Variants in TMPRSS15 observed in about 807,000 individuals in gnomAD.
TMPRSS15 encodes the protein enteropeptidase.
Under a neutral mutation model 125.3 loss-of-function variants are expected in TMPRSS15, and 128 were observed. The ratio of observed to expected loss-of-function variants is 1.02; its 90% confidence interval spans 0.89 to 1.18. The LOEUF is 1.18. Among genes scored for constraint, TMPRSS15 ranks in the 50% most tolerant of loss-of-function variants. The pLI, the probability that TMPRSS15 is intolerant of heterozygous loss-of-function variation, is 0.00. For missense variants in TMPRSS15, 1,283 were observed against 1,212.7 expected (o/e 1.06, Z -0.86); for synonymous variants, 446 against 423.2 (o/e 1.05, Z -0.66).
At chr21:18,272,252 G>A (rs774793247) in intron 24 of TMPRSS15, among the ~76,000 whole-genome samples, 1 of 151,920 alleles carries the variant, frequency 6.6e-6, no homozygotes, top group African/African-American at 2.4e-5. Context: ...TTTAATAATC[G>A]CCATTCTGAC....
intron 24 of TMPRSS15, among the ~76,000 whole-genome samples, chr21:18,274,817 TTTTG>T (rs753338291): frequency 1.3e-5 from 2 of 152,024 alleles, no homozygotes; most frequent in Admixed American, 6.6e-5. Context: ...CAAGCCCTGT[TTTTG>T]TTTGTTTGTT....
At position 18,341,398 on chromosome 21, in the gene TMPRSS15, A is replaced by G; in HGVS notation, c.1564+15T>C. 1 of 1,614,070 alleles carries G rather than the reference A, an allele frequency of 6.2e-7. No individual in the cohort carries two copies. Among genetic ancestry groups the G allele is most frequent in the Non-Finnish European group, 8.5e-7 (1 of 1,179,954 alleles). ...AATGATTTAATAAGACAAAATACAC[A>G]TGAAGGTTACTTACTAGGAAGTTCT... On this transcript the variant is annotated intron_variant, in intron 13 of 24. Coordinates refer to ENST00000284885, the MANE Select transcript of TMPRSS15 (RefSeq NM_002772.3).
intron 1 of TMPRSS15, among the ~76,000 whole-genome samples, chr21:18,434,381 A>G (rs182537651): frequency 1.3e-5 from 2 of 152,136 alleles, no homozygotes; most frequent in African/African-American, 2.4e-5. Flanking sequence ...TATATGTATT[A>G]TATATCTTAG....
chr21:18,467,419 A>ATAATAT (rs1322449913), intron 1 of TMPRSS15, among the ~76,000 whole-genome samples: 1 of 151,768 alleles, frequency 6.6e-6, no homozygotes, highest in Admixed American at 6.6e-5. Context: ...AATAATAATA[A>ATAATAT]TAATAAACTA....
chr21:18,484,588 T>C (rs1368440450), intron 1 of TMPRSS15, among the ~76,000 whole-genome samples: 2 of 151,832 alleles, frequency 1.3e-5, no homozygotes, highest in African/African-American at 4.8e-5. Flanking sequence ...TATTTATATA[T>C]GCAGACTAGC....
At chr21:18,328,754 A>T (rs931965141) in intron 15 of TMPRSS15, among the ~76,000 whole-genome samples, 1 of 152,136 alleles carries the variant, frequency 6.6e-6, no homozygotes, top group Non-Finnish European at 1.5e-5. Context: ...CTGCATATTT[A>T]AAAATAACTA....
Position 18,422,988 on chromosome 21 carries a change from A to G in TMPRSS15, c.11-24659T>C, listed in dbSNP as rs567429604. ...CATTTGCATGGGGCTCAGCTAGCGC[A>G]GATTTCCTTCAGGTTCTTTAAATCT... On this transcript the variant is annotated intron_variant, in intron 1 of 7. Transcript: ENST00000422787. Among the ~76,000 whole-genome samples, 29 of 152,300 alleles carry G rather than the reference A, an allele frequency of 1.9e-4. No homozygotes were observed. The South Asian group carries it at 5.8e-3, about 30-fold the overall frequency.
At position 18,341,210 on chromosome 21, in the gene TMPRSS15, C is replaced by T. The variant is rs150009156; in HGVS notation, c.1564+203G>A. On this transcript the variant is annotated intron_variant, in intron 13 of 24. Coordinates refer to ENST00000284885, the MANE Select transcript of TMPRSS15 (RefSeq NM_002772.3). ...TCCGGTAGCTGGGACTACAGGTATG[C>T]ACCACTGTGCCCAGCTAATTTGTGT... is the stretch of plus-strand genomic sequence containing the variant. Among the ~76,000 whole-genome samples, 1,416 of 152,200 alleles carry T rather than the reference C, an allele frequency of 9.3e-3. 26 individuals are homozygous for T. Among genetic ancestry groups the T allele is most frequent in the African/African-American group, 0.032 (1,343 of 41,528 alleles).
At position 18,270,130 on chromosome 21, in the gene TMPRSS15, G is replaced by A. The variant is rs2074536955; in HGVS notation, c.2905-6C>T. ...AATGGTCCTCCTGAATCCCCCTAAA[G>A]AGTGAATTGCAAAACAAAATTGTAG... On this transcript the variant is annotated splice_polypyrimidine_tract_variant and splice_region_variant and intron_variant, in intron 24 of 24. Transcript: ENST00000284885. The A allele has an allele frequency of 6.2e-7, 1 of 1,613,488 alleles. No homozygotes were observed. Among genetic ancestry groups the A allele is most frequent in the Non-Finnish European group, 8.5e-7 (1 of 1,179,694 alleles).
intron 13 of TMPRSS15, among the ~76,000 whole-genome samples, chr21:18,332,586 A>G (rs1173601444): frequency 6.6e-6 from 1 of 152,168 alleles, no homozygotes; most frequent in African/African-American, 2.4e-5. Flanking sequence ...GTAAAAAGTC[A>G]AAAAATAACA....
chr21:18,466,620 C>A (rs1978667270), intron 1 of TMPRSS15, among the ~76,000 whole-genome samples: 1 of 152,086 alleles, frequency 6.6e-6, no homozygotes, highest in Non-Finnish European at 1.5e-5. Flanking sequence ...AGACACTTCT[C>A]AAAAGAAGAC....
chr21:18,410,798 A>G (rs572181265), intron 1 of TMPRSS15, among the ~76,000 whole-genome samples: 1 of 152,264 alleles, frequency 6.6e-6, no homozygotes, highest in South Asian at 2.1e-4. Flanking sequence ...CTCAAATTTT[A>G]TTCAAAAGTC....
chr21:18,327,380 T>G (rs1193168214), intron 15 of TMPRSS15, among the ~76,000 whole-genome samples: 1 of 152,158 alleles, frequency 6.6e-6, no homozygotes, highest in Non-Finnish European at 1.5e-5. Context: ...TTTTTATAGG[T>G]GTATAAAAGA....
chr21:18,448,722 T>A (rs994541137), intron 1 of TMPRSS15, among the ~76,000 whole-genome samples: 3 of 151,250 alleles, frequency 2.0e-5, no homozygotes, highest in African/African-American at 7.2e-5. Flanking sequence ...GGTCCTACTC[T>A]AATATTCAAA....
At chr21:18,473,946 T>C (rs1459373350) in intron 1 of TMPRSS15, among the ~76,000 whole-genome samples, 2 of 152,164 alleles carry the variant, frequency 1.3e-5, no homozygotes, top group Non-Finnish European at 2.9e-5. Flanking sequence ...CAAGGGTTTG[T>C]CCTGTCTTGG....
chr21:18,271,309 A>T (rs1294305136), intron 24 of TMPRSS15, among the ~76,000 whole-genome samples: 1 of 152,258 alleles, frequency 6.6e-6, no homozygotes, highest in East Asian at 1.9e-4. Context: ...ATTAAAAATA[A>T]ACTTCAGCTG....
chr21:18,394,719 A>C (rs565955160), intron 3 of TMPRSS15, among the ~76,000 whole-genome samples: 90 of 152,206 alleles, frequency 5.9e-4, no homozygotes, highest in African/African-American at 2.0e-3. Context: ...TGAAAAAAAA[A>C]CACATTCCTA....
intron 1 of TMPRSS15, among the ~76,000 whole-genome samples, chr21:18,427,946 G>A (rs1258073760): frequency 7.2e-5 from 11 of 152,184 alleles, no homozygotes; most frequent in African/African-American, 2.2e-4. Context: ...ATGTAAGGCA[G>A]TCACAGAAAT....
Position 18,269,361 on chromosome 21 carries a change from ATTAAC to A in TMPRSS15, c.*603_*607del, listed in dbSNP as rs1314660101. 5 of 152,268 alleles carry A rather than the reference ATTAAC, an allele frequency of 3.3e-5. No homozygotes were observed. Among genetic ancestry groups the A allele is most frequent in the Non-Finnish European group, 7.3e-5 (5 of 68,076 alleles). The allele number at this position is 152,268 out of a possible 1,614,324, so 9.4% of individuals were successfully genotyped here. On this transcript the variant is annotated 3_prime_UTR_variant, in exon 25 of 25. Coordinates refer to ENST00000284885, the MANE Select transcript of TMPRSS15 (RefSeq NM_002772.3). ...TATCAGTTAATTTATCTTTTATTTA[ATTAAC>A]TTATTTAAGAGGAACGTAAAATCAA...
Sources: gnomAD v4.1 joint callset for allele counts (sites outside exome capture counted in the v4.1 genomes callset) on GRCh38, gnomAD v4.1.1 for gene constraint, MANE v1.5 for transcripts, NCBI Gene and HGNC (gene_info 2026-07-23, HGNC 2026-07-21) for gene names.